NKD1: variants seen among roughly 807,000 people sequenced by gnomAD.
NKD1 encodes NKD inhibitor of Wnt signaling pathway 1.
Under a neutral mutation model 56.0 loss-of-function variants are expected in NKD1, and 21 were observed. The ratio of observed to expected loss-of-function variants is 0.38; its 90% confidence interval spans 0.27 to 0.54. NKD1 has a LOEUF of 0.54. NKD1 is among the 20% of genes least tolerant of loss of function. The pLI, the probability that NKD1 is intolerant of heterozygous loss-of-function variation, is 0.82. For missense variants in NKD1, 578 were observed against 642.7 expected, an observed-to-expected ratio of 0.90 and a Z score of 1.09; for synonymous variants, 263 against 265.7, an observed-to-expected ratio of 0.99 and a Z score of 0.10.
In NKD1 at chr16:50,598,269, A is replaced by G. The variant is rs1012881478; in HGVS notation, c.193-10025A>G. Among the ~76,000 whole-genome samples, 5 of 127,600 alleles carry G rather than the reference A, an allele frequency of 3.9e-5. No individual in the cohort carries two copies. Among genetic ancestry groups the G allele is most frequent in the South Asian group, 2.3e-4 (1 of 4,364 alleles). 83.7% of individuals were successfully genotyped at this position (127,600 alleles called of 152,430 possible). On this transcript the variant is annotated intron_variant, in intron 3 of 9. Coordinates refer to ENST00000268459, the MANE Select transcript of NKD1 (RefSeq NM_033119.5). The surrounding 1 kb of genome is among the most constrained non-coding windows in gnomAD (Gnocchi z 4.2). ...TGTGTGTGTGTGTGTGTGTGCGCGC[A>G]CACCTGTGCTCATGGACACTCTTGT...
At chr16:50,618,946 C>T (rs370332242) in intron 4 of NKD1, among the ~76,000 whole-genome samples, 3 of 152,276 alleles carry the variant, frequency 2.0e-5, no homozygotes, top group Admixed American at 6.5e-5. Context: ...ACAGGCTGTC[C>T]GTGCACGGTG....
At chr16:50,606,811 G>C (rs988812644) in intron 3 of NKD1, 2 of 456,694 alleles carry the variant, frequency 4.4e-6, no homozygotes, top group Admixed American at 2.3e-5. Context: ...CCTCGGGGAA[G>C]CTCTGCCTAC....
intron 4 of NKD1, among the ~76,000 whole-genome samples, chr16:50,617,110 C>T (rs1193745279): frequency 1.3e-5 from 2 of 152,206 alleles, no homozygotes; most frequent in Non-Finnish European, 2.9e-5. Context: ...CTCCCTGGGT[C>T]ACTGCCATTT....
At chr16:50,595,706 G>A (rs1275109222) in intron 3 of NKD1, among the ~76,000 whole-genome samples, 1 of 152,226 alleles carries the variant, frequency 6.6e-6, no homozygotes, top group African/African-American at 2.4e-5. Flanking sequence ...AGGTACAGGT[G>A]TGATGGGTGG....
chr16:50,632,229 G>GCCCCCAC lies in NKD1; in HGVS notation c.696-50_696-44dup. 6.2e-7 allele frequency: 1 copy of GCCCCCAC among 1,602,740 alleles called. No individual in the cohort carries two copies. On this transcript the variant is annotated intron_variant, in intron 8 of 9. Coordinates refer to ENST00000268459, the MANE Select transcript of NKD1 (RefSeq NM_033119.5). The surrounding 1 kb of genome is among the most constrained non-coding windows in gnomAD (Gnocchi z 4.1). Reference sequence around the variant, plus strand: ...GGGCTTCCTAGTAGCCTATGCGCTTGCCCCCACCTGGTGGTTGGTGTTATC... The same window carrying GCCCCCAC: ...GGGCTTCCTAGTAGCCTATGCGCTTGCCCCCACCCCCCACCTGGTGGTTGGTGTTATC...
At chr16:50,618,702 A>G (rs1047224244) in intron 4 of NKD1, among the ~76,000 whole-genome samples, 1 of 152,172 alleles carries the variant, frequency 6.6e-6, no homozygotes, top group African/African-American at 2.4e-5. Context: ...CCAGGGCAGG[A>G]TGGATCACAG....
intron 3 of NKD1, among the ~76,000 whole-genome samples, chr16:50,602,836 G>A (rs1596734611): frequency 6.6e-6 from 1 of 152,336 alleles, no homozygotes; most frequent in South Asian, 2.1e-4. Context: ...CCTCTCGTGT[G>A]GCACTCCTCT....
At chr16:50,557,197 A>G (rs1960521998) in intron 3 of NKD1, 1 of 152,230 alleles carries the variant, frequency 6.6e-6, no homozygotes, top group Non-Finnish European at 1.5e-5. Flanking sequence ...AAGTTGTGCA[A>G]TTTAAGTTGT....
intron 3 of NKD1, among the ~76,000 whole-genome samples, chr16:50,563,956 AC>A (rs1166877279): frequency 1.3e-5 from 2 of 149,880 alleles, no homozygotes; most frequent in African/African-American, 4.9e-5. Context: ...CTCAGTGGGC[AC>A]AGCCCTGGAT....
intron 4 of NKD1, 164 bp downstream of exon 4, chr16:50,608,524 G>C: frequency 1.5e-6 from 1 of 660,650 alleles, no homozygotes; most frequent in Non-Finnish European, 2.8e-6. Flanking sequence ...TGGAGGAGAG[G>C]AGTAAGAGAC....
intron 3 of NKD1, chr16:50,608,028 T>G: frequency 2.1e-6 from 1 of 468,790 alleles, no homozygotes. Flanking sequence ...GCATGTGTGT[T>G]GGTGAAATGT....
intron 3 of NKD1, among the ~76,000 whole-genome samples, chr16:50,564,089 A>G (rs1437298699): frequency 6.6e-6 from 1 of 152,262 alleles, no homozygotes; most frequent in Non-Finnish European, 1.5e-5. Flanking sequence ...CCCCCACAGG[A>G]AGTACTGGTT....
intron 3 of NKD1, among the ~76,000 whole-genome samples, chr16:50,560,823 C>CATCTTTCTATCTATCTATCT (rs1555487412): frequency 6.7e-6 from 1 of 148,546 alleles, no homozygotes; most frequent in Admixed American, 6.7e-5. Context: ...TACCCAAACC[C>CATCTTTCTATCTATCTATCT]ATCTATCTAT....
Position 50,633,443 on chromosome 16 carries a change from G to T in NKD1, c.1075G>T (p.Gly359Cys). Residue 359 changes from glycine (G) to cysteine (C), a missense_variant, in exon 10 of 10, where the codon GGC becomes TGC. Transcript: ENST00000268459. The surrounding 1 kb of genome is among the most constrained non-coding windows in gnomAD (Gnocchi z 4.9). The stretch of plus-strand genomic sequence containing the variant: ...GGCCCAGGGCAAGAGTGTGGGTGTG[G>T]GCCACGTGGCCAGAGGGGCAAGAAA... ...PKAQGKSVGV[G>C]HVARGARNKP... 1.2e-6 allele frequency: 2 copies of T among 1,610,136 alleles called. No individual in the cohort carries two copies. The highest frequency in any genetic ancestry group is 1.3e-5 in the African/African-American group (1 of 74,984).
intron 3 of NKD1, among the ~76,000 whole-genome samples, chr16:50,589,270 G>A (rs181810200): frequency 2.8e-4 from 42 of 152,274 alleles, no homozygotes; most frequent in Admixed American, 8.5e-4. Flanking sequence ...AGACAGACAC[G>A]AAAGTAGAGA....
chr16:50,621,980 C>T (rs972465612), intron 5 of NKD1, among the ~76,000 whole-genome samples: 7 of 152,224 alleles, frequency 4.6e-5, no homozygotes, highest in African/African-American at 1.2e-4. Context: ...TGAGAGTAGA[C>T]GAGGGAGGCA....
rs1007644132 is a variant in NKD1 at position 50,632,509 on chromosome 16, G to C, written c.823+101G>C. Reference sequence around the variant, plus strand: ...GGTGTTCACTGCTACCCCAGGCTTCGGTAAGACAACTATTATGGGACAGGT... The same window carrying C: ...GGTGTTCACTGCTACCCCAGGCTTCCGTAAGACAACTATTATGGGACAGGT... On this transcript the variant is annotated intron_variant, in intron 9 of 9. Coordinates refer to ENST00000268459, the MANE Select transcript of NKD1 (RefSeq NM_033119.5). This position sits in a 1 kb window ranked among gnomAD's most constrained non-coding sequence, Gnocchi z 4.1. The C allele has an allele frequency of 1.0e-5, 12 of 1,178,834 alleles. No homozygotes were observed. Among genetic ancestry groups the C allele is most frequent in the African/African-American group, 1.5e-5 (1 of 65,920 alleles). 73.0% of individuals were successfully genotyped at this position (1,178,834 alleles called of 1,614,324 possible).
At chr16:50,615,469 A>T (rs1961939750) in intron 4 of NKD1, among the ~76,000 whole-genome samples, 1 of 152,228 alleles carries the variant, frequency 6.6e-6, no homozygotes, top group Non-Finnish European at 1.5e-5. Flanking sequence ...GTGTGACAGC[A>T]TGCTGCTCAG....
intron 3 of NKD1, among the ~76,000 whole-genome samples, chr16:50,565,879 G>A (rs1393836962): frequency 6.6e-6 from 1 of 152,106 alleles, no homozygotes; most frequent in Non-Finnish European, 1.5e-5. Flanking sequence ...CTGTTATAAG[G>A]ATAGACCATC....
Sources: gnomAD v4.1 joint callset for allele counts (sites outside exome capture counted in the v4.1 genomes callset) on GRCh38, gnomAD v4.1.1 for gene constraint, Gnocchi (gnomAD v3.1) non-coding constraint, MANE v1.5 for transcripts, NCBI Gene and HGNC (gene_info 2026-07-23, HGNC 2026-07-21) for gene names.